SLC25A26: variants seen among roughly 807,000 people sequenced by gnomAD.
SLC25A26 encodes the protein mitochondrial S-adenosylmethionine carrier protein.
Under a neutral mutation model 37.8 loss-of-function variants are expected in SLC25A26, and 36 were observed. That is an observed-to-expected ratio of 0.95 (90% CI 0.73 to 1.26). SLC25A26 has a LOEUF of 1.26. SLC25A26 is among the 50% of genes most tolerant of loss of function. SLC25A26 has a pLI of 0.00. For synonymous variants in SLC25A26, 129 were observed against 122.5 expected (o/e 1.05, Z -0.35); for missense variants, 390 against 331.1 (o/e 1.18, Z -1.38).
chr3:66,206,765 T>C (rs919739789), intron 1 of SLC25A26, among the ~76,000 whole-genome samples: 4 of 151,236 alleles, frequency 2.6e-5, no homozygotes, highest in Admixed American at 6.6e-5. Flanking sequence ...TGTAGTGGCA[T>C]GCACTCCAGT....
At chr3:66,229,281 C>A (rs1016555736) in intron 1 of SLC25A26, among the ~76,000 whole-genome samples, 2 of 152,132 alleles carry the variant, frequency 1.3e-5, no homozygotes, top group South Asian at 4.1e-4. Context: ...GTACTCTTTT[C>A]CCTGTTTCAT....
chr3:66,338,477 G>A (rs546557560), intron 5 of SLC25A26, among the ~76,000 whole-genome samples: 4 of 151,966 alleles, frequency 2.6e-5, no homozygotes, highest in African/African-American at 7.2e-5. Flanking sequence ...TGCCATTTTA[G>A]TGGATAACAG....
intron 1 of SLC25A26, among the ~76,000 whole-genome samples, chr3:66,200,787 A>C (rs1180828810): frequency 6.6e-6 from 1 of 152,228 alleles, no homozygotes; most frequent in Non-Finnish European, 1.5e-5. Context: ...ATCAGAAATT[A>C]CTTACAGAGG....
intron 1 of SLC25A26, among the ~76,000 whole-genome samples, chr3:66,211,969 T>C (rs1213095363): frequency 6.6e-6 from 1 of 152,184 alleles, no homozygotes; most frequent in African/African-American, 2.4e-5. Context: ...AATCTCCCCT[T>C]ATCTGCAGTT....
chr3:66,278,902 A>G (rs1397685887), intron 5 of SLC25A26, among the ~76,000 whole-genome samples: 1 of 152,044 alleles, frequency 6.6e-6, no homozygotes. Flanking sequence ...GCTCTTCTGT[A>G]TTGATTCTAA....
At chr3:66,295,040 G>T (rs1055347647) in intron 5 of SLC25A26, among the ~76,000 whole-genome samples, 1 of 152,060 alleles carries the variant, frequency 6.6e-6, no homozygotes, top group Non-Finnish European at 1.5e-5. Flanking sequence ...ATAAAAACTG[G>T]TTGGATACAG....
At chr3:66,172,610 A>G (rs138880435) in intron 1 of SLC25A26, among the ~76,000 whole-genome samples, 122 of 152,232 alleles carry the variant, frequency 8.0e-4, no homozygotes, top group African/African-American at 2.8e-3. Flanking sequence ...CAACAGAAAT[A>G]TATTGTCTCA....
intron 1 of SLC25A26, among the ~76,000 whole-genome samples, chr3:66,222,284 C>T (rs559692115): frequency 3.3e-4 from 50 of 151,928 alleles, no homozygotes; most frequent in African/African-American, 1.1e-3. Flanking sequence ...GGGTTCACGC[C>T]ATTCTCCTGC....
chr3:66,310,468 C>T (rs1290116967), intron 5 of SLC25A26, among the ~76,000 whole-genome samples: 1 of 152,166 alleles, frequency 6.6e-6, no homozygotes, highest in East Asian at 1.9e-4. Context: ...CAGTCTGTTT[C>T]TTTTAACTGG....
At chr3:66,182,716 C>CGGGGG (rs539207365) in intron 1 of SLC25A26, among the ~76,000 whole-genome samples, 5 of 87,592 alleles carry the variant, frequency 5.7e-5, no homozygotes, top group African/African-American at 1.9e-4. Context: ...CAGTGGGCGG[C>CGGGGG]GGGGGGGGGG....
intron 6 of SLC25A26, among the ~76,000 whole-genome samples, chr3:66,355,119 AT>A (rs755694936): frequency 9.2e-5 from 14 of 152,156 alleles, no homozygotes; most frequent in Non-Finnish European, 2.1e-4. Flanking sequence ...AGTTCCAAAA[AT>A]ATCACTGTAT....
At chr3:66,283,637 A>G (rs1488860051) in intron 5 of SLC25A26, among the ~76,000 whole-genome samples, 1 of 152,316 alleles carries the variant, frequency 6.6e-6, no homozygotes, top group African/African-American at 2.4e-5. Context: ...TATGGTTAGC[A>G]CTTGATTACT....
At chr3:66,355,841 G>A (rs1321570883) in intron 6 of SLC25A26, among the ~76,000 whole-genome samples, 1 of 152,156 alleles carries the variant, frequency 6.6e-6, no homozygotes, top group Non-Finnish European at 1.5e-5. Flanking sequence ...TAAACTCACA[G>A]CAGTGAGACC....
chr3:66,172,891 C>T (rs1446166567), intron 1 of SLC25A26, among the ~76,000 whole-genome samples: 2 of 152,134 alleles, frequency 1.3e-5, no homozygotes, highest in East Asian at 3.9e-4. Context: ...GAGGGGCCCA[C>T]CCTAGGCACC....
chr3:66,191,851 G>A (rs2070948032), intron 1 of SLC25A26, among the ~76,000 whole-genome samples: 2 of 151,776 alleles, frequency 1.3e-5, no homozygotes, highest in South Asian at 4.2e-4. Context: ...AGGTTGTGGT[G>A]AGCCAAGATT....
At chr3:66,212,685 A>T (rs2071300512) in intron 1 of SLC25A26, among the ~76,000 whole-genome samples, 1 of 152,036 alleles carries the variant, frequency 6.6e-6, no homozygotes, top group South Asian at 2.1e-4. Flanking sequence ...TGCTACTTTT[A>T]TCTCTATAAA....
intron 1 of SLC25A26, among the ~76,000 whole-genome samples, chr3:66,190,084 G>C (rs1031618530): frequency 1.9e-3 from 288 of 152,332 alleles, no homozygotes; most frequent in African/African-American, 6.4e-3. Context: ...GGCCGAGGCA[G>C]GTGGATTGCT....
At chr3:66,274,634 A>G (rs2074071146) in intron 5 of SLC25A26, among the ~76,000 whole-genome samples, 2 of 152,276 alleles carry the variant, frequency 1.3e-5, no homozygotes, top group African/African-American at 2.4e-5. Context: ...TATGCAGCCA[A>G]AAGACACATG....
chr3:66,274,376 C>G (rs1193028153), intron 5 of SLC25A26, among the ~76,000 whole-genome samples: 1 of 151,692 alleles, frequency 6.6e-6, no homozygotes, highest in African/African-American at 2.4e-5. Flanking sequence ...AAAGCAATGG[C>G]AACAAAAGCC....
Sources: gnomAD v4.1 joint callset for allele counts (sites outside exome capture counted in the v4.1 genomes callset) on GRCh38, gnomAD v4.1.1 for gene constraint, MANE v1.5 for transcripts, NCBI Gene and HGNC (gene_info 2026-07-23, HGNC 2026-07-21) for gene names.